Variants in CD93 observed in about 807,000 individuals in gnomAD.
The protein encoded by CD93 is CD93 molecule, also known as complement component C1q receptor.
Under a neutral mutation model 45.5 loss-of-function variants are expected in CD93, and 44 were observed. The ratio of observed to expected loss-of-function variants is 0.97; its 90% CI spans 0.76 to 1.24. The LOEUF (loss-of-function observed/expected upper bound fraction) is 1.24. Among genes scored for constraint, CD93 ranks in the 50% most tolerant of loss-of-function variants. The pLI, the probability that CD93 is intolerant of heterozygous loss-of-function variation, is 0.00. For synonymous variants in CD93, 431 were observed against 370.8 expected (o/e 1.16, Z -1.87); for missense variants, 918 against 844.5 (o/e 1.09, Z -1.08).
rs1160840893 is a variant in CD93 at position 23,082,904 on chromosome 20, A to T, written c.*1046T>A. On this transcript the variant is annotated 3_prime_UTR_variant, in exon 2 of 2. Transcript: ENST00000246006. ...TGTGCTAAAATGCTTTAAAATGACA[A>T]CTTTCAAAACACAGTGCATCATCTC... is the stretch of plus-strand genomic sequence containing the variant. The T allele has an allele frequency of 2.0e-5, 3 of 152,596 alleles. No homozygotes were observed. The highest frequency in any genetic ancestry group is 7.2e-5 in the African/African-American group (3 of 41,432). The allele number at this position is 152,596 out of a possible 1,614,324, so 9.5% of individuals were successfully genotyped here. A position where few individuals can be genotyped will look rare whatever the true frequency, so the allele number is the denominator to read the frequency against.
In CD93 at chr20:23,085,324, C is replaced by T. The variant is rs1468994987; in HGVS notation, c.869G>A (p.Gly290Glu). ...DGSFLCGCRP[G>E]FRLLDDLVTC... ...CACCAGGTCATCCAGCAGCCGGAAT[C>T]CTGGTCGGCAGCCGCAGAGGAAGGA... is the stretch of plus-strand genomic sequence containing the variant. Residue 290 changes from glycine to glutamate, a missense_variant, in exon 1 of 2, where the codon GGA (glycine) becomes GAA (glutamate). Physicochemically the swap from Gly to Glu is moderately conservative, Grantham distance 98. Coordinates refer to ENST00000246006, the MANE Select transcript of CD93 (RefSeq NM_012072.4). The T allele has an allele frequency of 2.5e-6, 4 of 1,613,916 alleles. No homozygotes were observed. In the Admixed American group the frequency reaches 5.0e-5, roughly 20 times the overall value.
At position 23,083,748 on chromosome 20, in the gene CD93, CACA is replaced by C. The variant is rs1281481935; in HGVS notation, c.*199_*201del. 4.0e-5 allele frequency: 25 copies of C among 621,770 alleles called. No homozygotes were observed. Among genetic ancestry groups the C allele is most frequent in the Middle Eastern group, 7.2e-4 (2 of 2,790 alleles). The allele number at this position is 621,770 out of a possible 1,614,324, so 38.5% of individuals were successfully genotyped here. On this transcript the variant is annotated 3_prime_UTR_variant, in exon 2 of 2. Transcript: ENST00000246006. ...AAATCCCCACCGTGGCACGCCAACA[CACA>C]GCTTCCACTTCAGGAACATCAAACA...
Position 23,082,229 on chromosome 20 carries a change from A to G in CD93, c.*1721T>C, listed in dbSNP as rs886397800. On this transcript the variant is annotated 3_prime_UTR_variant, in exon 2 of 2. Coordinates refer to ENST00000246006, the MANE Select transcript of CD93 (RefSeq NM_012072.4). ...TTTTCTATTAAAAACAATCTGAACC[A>G]TAGCATCTATATTTCAAAACTGGCA... 2.0e-5 allele frequency: 3 copies of G among 152,196 alleles called. No homozygotes were observed. The highest frequency in any genetic ancestry group is 4.4e-5 in the Non-Finnish European group (3 of 68,034). The allele number at this position is 152,196 out of a possible 1,614,324, so 9.4% of individuals were successfully genotyped here.
chr20:23,085,362 T>C lies in CD93; in HGVS notation c.831A>G (p.Glu277=), dbSNP rs1378630383. 1 of 1,613,816 alleles carries C rather than the reference T, an allele frequency of 6.2e-7. No individual in the cohort carries two copies. The highest frequency in any genetic ancestry group is 1.3e-5 in the African/African-American group (1 of 74,916). ...NNGGCHQDCF[E]GGDGSFLCGC... ...CGCAGAGGAAGGAGCCATCCCCCCCTTCAAAGCAGTCCTGGTGGCAGCCCC... is the reference window on the plus strand; with the variant it reads ...CGCAGAGGAAGGAGCCATCCCCCCCCTCAAAGCAGTCCTGGTGGCAGCCCC... The change falls in exon 1 of 2, where the codon GAA becomes GAG. Residue 277 remains glutamate, a synonymous_variant. Coordinates refer to ENST00000246006, the MANE Select transcript of CD93 (RefSeq NM_012072.4).
intron 1 of CD93, 77 bp from the exon 2 acceptor site, chr20:23,084,051 C>T (rs1985399483): frequency 1.2e-5 from 19 of 1,560,156 alleles, no homozygotes; most frequent in Non-Finnish European, 1.5e-5. Context: ...GGAGAGAGCC[C>T]CACGTGCGGC....
intron 1 of CD93, 31 bp downstream of exon 1, chr20:23,084,228 C>A (rs1208717244): frequency 1.2e-6 from 2 of 1,605,948 alleles, no homozygotes; most frequent in Non-Finnish European, 1.7e-6. Context: ...CCTGCCCATC[C>A]CCTCCCCCGG....
chr20:23,086,080 G>A lies in CD93; in HGVS notation c.113C>T (p.Thr38Met), dbSNP rs1472030449. The stretch of plus-strand genomic sequence containing the variant: ...AGCGCTCAGCTTGCCCGAGTGGGCC[G>A]TGTAGCAGGCGGTCCCCACGCAGAC... ...AVVCVGTACY[T>M]AHSGKLSAAE... The change falls in exon 1 of 2, where the codon ACG (threonine) becomes ATG (methionine). Residue 38 changes from threonine to methionine, a missense_variant. By Grantham distance (81) the Thr-to-Met change is moderately conservative. Coordinates refer to ENST00000246006, the MANE Select transcript of CD93 (RefSeq NM_012072.4). 1 of 1,601,002 alleles carries A rather than the reference G, an allele frequency of 6.2e-7. No homozygotes were observed. The highest frequency in any genetic ancestry group is 8.5e-7 in the Non-Finnish European group (1 of 1,178,910).
At position 23,085,846 on chromosome 20, in the gene CD93, C is replaced by CCCCCGT; in HGVS notation, c.346_347insACGGGG (p.Trp116delinsTyrGlyGly). On this transcript the variant is annotated protein_altering_variant, in exon 1 of 2. Coordinates refer to ENST00000246006, the MANE Select transcript of CD93 (RefSeq NM_012072.4). ...AGGCGTGTCCTCCCCCCCGCCCACC[C>CCCCCGT]AGCTGAAGCCCTTCAGCGGCAGACT... The CCCCCGT allele has an allele frequency of 6.3e-7, 1 of 1,591,092 alleles. No individual in the cohort carries two copies. Among genetic ancestry groups the CCCCCGT allele is most frequent in the Admixed American group, 1.7e-5 (1 of 57,474 alleles).
At position 23,080,206 on chromosome 20, in the gene CD93, T is replaced by G. The variant is rs1251408045; in HGVS notation, c.*3744A>C. ...AAGAAGAGAAATAATAGGAAAGGCT[T>G]TCCTATGTTAGTTTTAAAAAGACTG... On this transcript the variant is annotated 3_prime_UTR_variant, in exon 2 of 2. Coordinates refer to ENST00000246006, the MANE Select transcript of CD93 (RefSeq NM_012072.4). The G allele has an allele frequency of 2.0e-5, 3 of 152,622 alleles. No homozygotes were observed. Among genetic ancestry groups the G allele is most frequent in the African/African-American group, 7.2e-5 (3 of 41,444 alleles). The allele number at this position is 152,622 out of a possible 1,614,324, so 9.5% of individuals were successfully genotyped here.
chr20:23,086,218 G>A lies in CD93; in HGVS notation c.-26C>T, dbSNP rs1208313985. ...CCCGGTCTCTGTGTGGCCCTCTGCG[G>A]GAGGCGAGAAGCCCAGCGGCGACAG... On this transcript the variant is annotated 5_prime_UTR_variant, in exon 1 of 2. Transcript: ENST00000246006. 9 of 1,486,414 alleles carry A rather than the reference G, an allele frequency of 6.1e-6. No individual in the cohort carries two copies. In the East Asian group the frequency reaches 2.0e-4, roughly 33 times the overall value. The allele number at this position is 1,486,414 out of a possible 1,614,324, so 92.1% of individuals were successfully genotyped here.
chr20:23,086,105 C>T lies in CD93; in HGVS notation c.88G>A (p.Val30Ile). Residue 30 changes from valine (V) to isoleucine (I), a missense_variant, in exon 1 of 2, where the codon GTC (valine) becomes ATC (isoleucine). By Grantham distance (29) the Val-to-Ile change is conservative (BLOSUM62 3). Transcript: ENST00000246006. ...AGTGADTEAVVCVGTACYTAH... is the reference protein window; with the variant it reads ...AGTGADTEAVICVGTACYTAH... ...GTGTAGCAGGCGGTCCCCACGCAGA[C>T]CACCGCCTCCGTGTCAGCTCCCGTC... is the stretch of plus-strand genomic sequence containing the variant. 6.3e-7 allele frequency: 1 copy of T among 1,593,486 alleles called. No homozygotes were observed. The highest frequency in any genetic ancestry group is 1.3e-5 in the African/African-American group (1 of 74,926).
rs946456637 is a variant in CD93, at chr20:23,083,070, A to C, written c.*880T>G. ...GGGTGTCTGAGGCCTGCCCTGGCTC[A>C]AAGACAGGTTGTCCTTGAATTTGTT... On this transcript the variant is annotated 3_prime_UTR_variant, in exon 2 of 2. Transcript: ENST00000246006. The C allele has an allele frequency of 5.9e-5, 9 of 152,592 alleles. No individual in the cohort carries two copies. The highest frequency in any genetic ancestry group is 2.2e-4 in the African/African-American group (9 of 41,470). 9.5% of individuals were successfully genotyped at this position (152,592 alleles called of 1,614,324 possible). A position where few individuals can be genotyped will look rare whatever the true frequency, so the allele number is the denominator to read the frequency against.
In CD93 at chr20:23,085,683, G is replaced by A. The variant is rs201560191; in HGVS notation, c.510C>T (p.Ser170=). The change falls in exon 1 of 2, where the codon TCC becomes TCT. Residue 170 remains serine (S), a synonymous_variant. Coordinates refer to ENST00000246006, the MANE Select transcript of CD93 (RefSeq NM_012072.4). ...WSEGPCGSPG[S]PGSNIEGFVC... ...CGAAGCCCTCAATGTTACTTCCGGG[G>A]GAGCCTGGGCTCCCACAGGGGCCCT... 4 of 1,610,790 alleles carry A rather than the reference G, an allele frequency of 2.5e-6. No individual in the cohort carries two copies. The highest frequency in any genetic ancestry group is 2.7e-5 in the African/African-American group (2 of 74,904).
At position 23,085,023 on chromosome 20, in the gene CD93, A is replaced by C; in HGVS notation, c.1170T>G (p.Ala390=). 6.2e-7 allele frequency: 1 copy of C among 1,613,956 alleles called. No individual in the cohort carries two copies. Among genetic ancestry groups the C allele is most frequent in the South Asian group, 1.1e-5 (1 of 91,082 alleles). ...CCTGGGCGCAAGGCGAGCGACCCAG[A>C]GCACACTCATCCACATCCTGACAGG... ...EGACQDVDEC[A]LGRSPCAQGC... Residue 390 remains alanine, a synonymous_variant, in exon 1 of 2, where the codon GCT becomes GCG. Coordinates refer to ENST00000246006, the MANE Select transcript of CD93 (RefSeq NM_012072.4).
chr20:23,085,493 G>A lies in CD93; in HGVS notation c.700C>T (p.Gln234Ter), dbSNP rs1985466832. The A allele has an allele frequency of 6.2e-7, 1 of 1,613,760 alleles. No individual in the cohort carries two copies. Among genetic ancestry groups the A allele is most frequent in the Admixed American group, 1.7e-5 (1 of 60,006 alleles). ...TCCTTGCACAGGAAATAATGACTCTGAGTCTCGTCCTTGTCACCTTCCCCA... is the reference window on the plus strand; with the variant it reads ...TCCTTGCACAGGAAATAATGACTCTAAGTCTCGTCCTTGTCACCTTCCCCA... Reference protein sequence around the residue: ...ACGEGDKDETQSHYFLCKEKA... With the variant: ...ACGEGDKDET Residue 234 changes from glutamine (Q) to a stop codon, truncating the protein, a stop_gained, in exon 1 of 2, where the codon CAG becomes TAG. Transcript: ENST00000246006. LOFTEE classifies it high-confidence loss of function.
Position 23,084,751 on chromosome 20 carries a change from G to T in CD93, c.1442C>A (p.Pro481His). ...PVSLGPPSGP[P>H]DEEDKGEKEG... ...TTTCTCTCCTTTGTCCTCCTCATCGGGGGGCCCAGATGGTGGTCCCAGAGA... is the reference window on the plus strand; with the variant it reads ...TTTCTCTCCTTTGTCCTCCTCATCGTGGGGCCCAGATGGTGGTCCCAGAGA... The change falls in exon 1 of 2, where the codon CCC becomes CAC. Residue 481 changes from proline to histidine, a missense_variant. Physicochemically the swap from Pro to His is moderately conservative, Grantham distance 77 (BLOSUM62 -2). Coordinates refer to ENST00000246006, the MANE Select transcript of CD93 (RefSeq NM_012072.4). The T allele has an allele frequency of 6.2e-7, 1 of 1,609,742 alleles. No homozygotes were observed.
At position 23,084,268 on chromosome 20, in the gene CD93, T is replaced by A; in HGVS notation, c.1925A>T (p.Asn642Ile). ...PERAESRAME[N>I]QYSPTPGTDC ...TCAGGGCCCCCTTTACCTGTACTGG[T>A]TCTCCATGGCCCTGCTCTCAGCTCG... Residue 642 changes from asparagine (N) to isoleucine (I), a missense_variant, in exon 1 of 2, where the codon AAC (asparagine) becomes ATC (isoleucine). Coordinates refer to ENST00000246006, the MANE Select transcript of CD93 (RefSeq NM_012072.4). 6.2e-7 allele frequency: 1 copy of A among 1,613,766 alleles called. No homozygotes were observed. Among genetic ancestry groups the A allele is most frequent in the Non-Finnish European group, 8.5e-7 (1 of 1,179,974 alleles).
At position 23,085,490 on chromosome 20, in the gene CD93, T is replaced by C. The variant is rs145122180; in HGVS notation, c.703A>G (p.Ser235Gly). ...TTCTCCTTGCACAGGAAATAATGACTCTGAGTCTCGTCCTTGTCACCTTCC... is the reference window on the plus strand; with the variant it reads ...TTCTCCTTGCACAGGAAATAATGACCCTGAGTCTCGTCCTTGTCACCTTCC... ...CGEGDKDETQ[S>G]HYFLCKEKAP... Residue 235 changes from serine to glycine, a missense_variant, in exon 1 of 2, where the codon AGT (serine) becomes GGT (glycine). Coordinates refer to ENST00000246006, the MANE Select transcript of CD93 (RefSeq NM_012072.4). The C allele has an allele frequency of 2.5e-6, 4 of 1,613,860 alleles. No individual in the cohort carries two copies. The South Asian group carries it at 3.3e-5, about 13-fold the overall frequency.
rs1158065678 is a variant in CD93, at chr20:23,084,768, TC to T, written c.1424del (p.Gly475AspfsTer113). The T allele has an allele frequency of 3.1e-6, 5 of 1,612,130 alleles. No individual in the cohort carries two copies. The highest frequency in any genetic ancestry group is 4.2e-6 in the Non-Finnish European group (5 of 1,179,594). On this transcript the variant is annotated frameshift_variant, in exon 1 of 2. Transcript: ENST00000246006. LOFTEE classifies it high-confidence loss of function. ...VSCTMGPVSL[G>X]PPSGPPDEED... ...CCTCATCGGGGGGCCCAGATGGTGGTCCCAGAGACACAGGCCCCATGGTGCA... is the reference window on the plus strand; with the variant it reads ...CCTCATCGGGGGGCCCAGATGGTGGTCCAGAGACACAGGCCCCATGGTGCA...
Sources: allele counts gnomAD v4.1 joint callset, GRCh38; gene constraint gnomAD v4.1.1; transcripts MANE v1.5; gene names NCBI Gene and HGNC (gene_info 2026-07-23, HGNC 2026-07-21).